GANC: variants seen among roughly 807,000 people sequenced by gnomAD.
GANC encodes glucosidase alpha, neutral C.
Under a neutral mutation model 124.2 loss-of-function variants are expected in GANC, and 117 were observed. That is an observed-to-expected ratio of 0.94 (90% CI 0.81 to 1.10). The LOEUF is 1.10. Among genes scored for constraint, GANC ranks in the 50% least tolerant of loss-of-function variants. The pLI is 0.00. For missense variants in GANC, 1,140 were observed against 1,095.0 expected, an observed-to-expected ratio of 1.04 and a Z score of -0.58; for synonymous variants, 377 against 376.8, an observed-to-expected ratio of 1.00 and a Z score of -0.01.
intron 6 of GANC, among the ~76,000 whole-genome samples, chr15:42,298,477 T>C (rs1595768332): frequency 6.6e-6 from 1 of 152,210 alleles, no homozygotes; most frequent in Non-Finnish European, 1.5e-5. Context: ...CTTACCTTCT[T>C]CCAAGCCATG....
chr15:42,346,171 A>G (rs1396600735), intron 20 of GANC, among the ~76,000 whole-genome samples: 2 of 152,194 alleles, frequency 1.3e-5, no homozygotes, highest in African/African-American at 4.8e-5. Context: ...TTAACTCCAT[A>G]AAGGCCTGAT....
At position 42,339,891 on chromosome 15, in the gene GANC, T is replaced by C. The variant is rs1490109682; in HGVS notation, c.2066T>C (p.Val689Ala). ...YWYSLFYHAH[V>A]ASQPVMRPLW... ...TATTCTCTGTTCTACCATGCACACGTGGCTTCCCAACCTGTCATGAGGTAA... is the reference window on the plus strand; with the variant it reads ...TATTCTCTGTTCTACCATGCACACGCGGCTTCCCAACCTGTCATGAGGTAA... Residue 689 changes from valine (V) to alanine (A), a missense_variant, in exon 17 of 24, where the codon GTG becomes GCG. Transcript: ENST00000318010. 4 of 1,613,852 alleles carry C rather than the reference T, an allele frequency of 2.5e-6. No individual in the cohort carries two copies. The highest frequency in any genetic ancestry group is 3.3e-5 in the Admixed American group (2 of 59,996).
chr15:42,305,307 C>T (rs989938131), intron 6 of GANC, among the ~76,000 whole-genome samples: 2 of 152,146 alleles, frequency 1.3e-5, no homozygotes, highest in African/African-American at 2.4e-5. Context: ...TGAACAGACA[C>T]CTCTGAAAAG....
At position 42,330,315 on chromosome 15, in the gene GANC, A is replaced by G. The variant is rs576554091; in HGVS notation, c.1645-261A>G. On this transcript the variant is annotated intron_variant, in intron 14 of 23. Coordinates refer to ENST00000318010, the MANE Select transcript of GANC (RefSeq NM_198141.3). ...AGAAAATTATATTAAATGCCTAGCA[A>G]TAGTAAGCACCAAAGAAATGCTAGA... 2.0e-5 allele frequency among the ~76,000 whole-genome samples: 3 copies of G among 152,336 alleles called. No homozygotes were observed. The East Asian group carries it at 5.8e-4, about 29-fold the overall frequency.
intron 10 of GANC, among the ~76,000 whole-genome samples, chr15:42,312,000 T>C (rs2052054573): frequency 6.6e-6 from 1 of 152,166 alleles, no homozygotes; most frequent in African/African-American, 2.4e-5. Context: ...CACTGAAAAC[T>C]ATAAAACATT....
intron 1 of GANC, among the ~76,000 whole-genome samples, chr15:42,274,773 C>G (rs1209232447): frequency 6.6e-6 from 1 of 151,468 alleles, no homozygotes; most frequent in African/African-American, 2.4e-5. Context: ...TTCAGGAGTT[C>G]GAGACCCCCT....
chr15:42,303,752 CA>C (rs1055972166), intron 6 of GANC, among the ~76,000 whole-genome samples: 9 of 148,546 alleles, frequency 6.1e-5, no homozygotes, highest in Non-Finnish European at 1.3e-4. Context: ...TCAAAAGAGA[CA>C]AAAAAGGGCA....
At chr15:42,324,104 TAAAA>T (rs1395301614) in intron 11 of GANC, among the ~76,000 whole-genome samples, 1 of 151,508 alleles carries the variant, frequency 6.6e-6, no homozygotes, top group Non-Finnish European at 1.5e-5. Flanking sequence ...AAAAAACAGT[TAAAA>T]AGTGGGCAAA....
intron 15 of GANC, among the ~76,000 whole-genome samples, chr15:42,332,584 G>C (rs541731039): frequency 1.6e-4 from 24 of 152,168 alleles, no homozygotes; most frequent in Non-Finnish European, 2.6e-4. Context: ...GAAAATATCT[G>C]CATGTTTATG....
At position 42,351,220 on chromosome 15, in the gene GANC, G is replaced by A. The variant is rs1383160710; in HGVS notation, c.2532-109G>A. The A allele has an allele frequency of 5.5e-6, 4 of 728,438 alleles. No individual in the cohort carries two copies. In the Admixed American group the frequency reaches 8.7e-5, roughly 16 times the overall value. The allele number at this position is 728,438 out of a possible 1,614,324, so 45.1% of individuals were successfully genotyped here. A position where few individuals can be genotyped will look rare whatever the true frequency, so the allele number is the denominator to read the frequency against. ...TAAATATGACTCCCATATGGATCAT[G>A]CCTCCAAGGGACAGATGGGAGAGGA... On this transcript the variant is annotated intron_variant, in intron 22 of 23. Transcript: ENST00000318010.
chr15:42,273,516 G>C lies in GANC; in HGVS notation c.-966G>C, dbSNP rs992247578. 5 of 1,495,612 alleles carry C rather than the reference G, an allele frequency of 3.3e-6. No homozygotes were observed. In the African/African-American group the frequency reaches 6.9e-5, roughly 21 times the overall value. 92.6% of individuals were successfully genotyped at this position (1,495,612 alleles called of 1,614,324 possible). A position where few individuals can be genotyped will look rare whatever the true frequency, so the allele number is the denominator to read the frequency against. ...GGGTCCTGGAAACGTCGCGGAGCTTGTTTGCTGTGCGGCGTAGCGGCCCCT... is the reference window on the plus strand; with the variant it reads ...GGGTCCTGGAAACGTCGCGGAGCTTCTTTGCTGTGCGGCGTAGCGGCCCCT... On this transcript the variant is annotated 5_prime_UTR_variant, in exon 1 of 24. Transcript: ENST00000318010.
At chr15:42,341,267 T>C (rs1446320114) in intron 18 of GANC, among the ~76,000 whole-genome samples, 4 of 152,116 alleles carry the variant, frequency 2.6e-5, no homozygotes, top group African/African-American at 9.7e-5. Context: ...TCTCATAATA[T>C]TGTTCTTGCT....
chr15:42,329,603 C>G (rs4924673), intron 14 of GANC, 154 bp downstream of exon 14: 2 of 547,128 alleles, frequency 3.7e-6, no homozygotes, highest in Admixed American at 3.9e-5. Context: ...GTAGCCAATA[C>G]AAGACTTTTT....
At position 42,329,413 on chromosome 15, in the gene GANC, G is replaced by T; in HGVS notation, c.1608G>T (p.Glu536Asp). 6.2e-7 allele frequency: 1 copy of T among 1,613,510 alleles called. No homozygotes were observed. The change falls in exon 14 of 24, where the codon GAG becomes GAT. Residue 536 changes from glutamate (E) to aspartate (D), a missense_variant. Coordinates refer to ENST00000318010, the MANE Select transcript of GANC (RefSeq NM_198141.3). ...QKNAIHHGNW[E>D]HRELHNIYGF... ...ATGCCATTCATCATGGCAATTGGGA[G>T]CACAGAGAGCTCCACAACATCTACG...
At chr15:42,303,618 G>A (rs577428757) in intron 6 of GANC, among the ~76,000 whole-genome samples, 2 of 143,958 alleles carry the variant, frequency 1.4e-5, no homozygotes, top group South Asian at 2.2e-4. Flanking sequence ...CCCATCTCAC[G>A]TGCAGAGACA....
At chr15:42,348,970 A>G (rs1047513058) in intron 21 of GANC, among the ~76,000 whole-genome samples, 1 of 152,256 alleles carries the variant, frequency 6.6e-6, no homozygotes, top group African/African-American at 2.4e-5. Context: ...AATTTAAAAA[A>G]AGGAAGCAGA....
chr15:42,297,421 C>T (rs759306194), intron 5 of GANC, among the ~76,000 whole-genome samples, 190 bp from the exon 6 acceptor site: 21 of 152,064 alleles, frequency 1.4e-4, no homozygotes, highest in Non-Finnish European at 2.5e-4. Flanking sequence ...CCTCAGCCTC[C>T]CAAGTAGCTG....
chr15:42,282,065 A>G (rs376921145), intron 3 of GANC, among the ~76,000 whole-genome samples: 2 of 152,158 alleles, frequency 1.3e-5, no homozygotes, highest in South Asian at 2.1e-4. Context: ...GCTCACACCT[A>G]TAATCCCAGC....
chr15:42,325,436 G>T (rs922308096), intron 11 of GANC, among the ~76,000 whole-genome samples: 1 of 152,206 alleles, frequency 6.6e-6, no homozygotes, highest in African/African-American at 2.4e-5. Flanking sequence ...TGATGGTATT[G>T]TAAAGTCACA....
Sources: gnomAD v4.1 joint callset for allele counts (sites outside exome capture counted in the v4.1 genomes callset) on GRCh38, gnomAD v4.1.1 for gene constraint, MANE v1.5 for transcripts, NCBI Gene and HGNC (gene_info 2026-07-23, HGNC 2026-07-21) for gene names.